The following TCTN3 variants were observed in gnomAD, a reference collection of about 807,000 sequenced individuals.
TCTN3 encodes tectonic family member 3.
Under a neutral mutation model 71.3 loss-of-function variants are expected in TCTN3, and 57 were observed. That is an observed-to-expected ratio of 0.80 (90% CI 0.65 to 1.00). The LOEUF (loss-of-function observed/expected upper bound fraction) is 1.00, where lower values mean the gene tolerates loss of function less well. TCTN3 is among the 50% of genes least tolerant of loss of function. TCTN3 has a pLI of 0.00. For missense variants in TCTN3, 696 were observed against 719.9 expected (o/e 0.97, Z 0.38); for synonymous variants, 258 against 267.8 (o/e 0.96, Z 0.36).
At chr10:95,667,630 G>A (rs1177867782) in intron 13 of TCTN3, among the ~76,000 whole-genome samples, 3 of 152,152 alleles carry the variant, frequency 2.0e-5, no homozygotes, top group Non-Finnish European at 4.4e-5. Context: ...CAGGGACATT[G>A]GGCATAAAGA....
chr10:95,693,632 G>A lies in TCTN3; in HGVS notation c.256+12C>T, dbSNP rs1343250626. On this transcript the variant is annotated intron_variant, in intron 1 of 13. Coordinates refer to ENST00000371217, the MANE Select transcript of TCTN3 (RefSeq NM_015631.6). The stretch of plus-strand genomic sequence containing the variant: ...AGAAGTAAGTTTCCACCCCCACAAC[G>A]TTTTCCCTCACCTGGGAAGAGGTCC... The A allele has an allele frequency of 1.3e-6, 2 of 1,548,650 alleles. No individual in the cohort carries two copies. The highest frequency in any genetic ancestry group is 1.2e-5 in the South Asian group (1 of 83,756).
Position 95,687,253 on chromosome 10 carries a change from G to T in TCTN3, c.730C>A (p.Pro244Thr), listed in dbSNP as rs1389518788. 4.3e-6 allele frequency: 7 copies of T among 1,613,810 alleles called. No homozygotes were observed. Among genetic ancestry groups the T allele is most frequent in the Middle Eastern group, 1.6e-4 (1 of 6,084 alleles). ...ACTTTTGCTCTGGATTCACCTGCAGGATTGCTTTCAGCACAGAGTCCCCCA... is the reference window on the plus strand; with the variant it reads ...ACTTTTGCTCTGGATTCACCTGCAGTATTGCTTTCAGCACAGAGTCCCCCA... The part of the protein sequence containing the change: ...GAGGLCAESN[P>T]AGFLESKSTT... The change falls in exon 5 of 14, where the codon CCT becomes ACT. Residue 244 changes from proline (P) to threonine (T), a missense_variant. By Grantham distance (38) the Pro-to-Thr change is conservative. Coordinates refer to ENST00000371217, the MANE Select transcript of TCTN3 (RefSeq NM_015631.6).
chr10:95,679,533 A>G (rs11188431), intron 13 of TCTN3, among the ~76,000 whole-genome samples: 11,072 of 150,008 alleles, frequency 0.074, 451 homozygotes, highest in African/African-American at 0.098. Context: ...AAGTTACTAA[A>G]TTGGCATGCC....
chr10:95,667,285 A>G lies in TCTN3; in HGVS notation c.1591-2985T>C, dbSNP rs528714126. On this transcript the variant is annotated intron_variant, in intron 13 of 13. Coordinates refer to ENST00000371217, the MANE Select transcript of TCTN3 (RefSeq NM_015631.6). ...GCATAAAGACATGTCTTCTCCCTCTATATCTTAAAACCACTCCAATCCAAC... is the reference window on the plus strand; with the variant it reads ...GCATAAAGACATGTCTTCTCCCTCTGTATCTTAAAACCACTCCAATCCAAC... 3.7e-4 allele frequency among the ~76,000 whole-genome samples: 57 copies of G among 152,318 alleles called. No homozygotes were observed. The South Asian group carries it at 0.011, about 30-fold the overall frequency.
rs536802100 is a variant in TCTN3 at position 95,680,462 on chromosome 10, C to T, written c.1590+10G>A. On this transcript the variant is annotated intron_variant, in intron 13 of 13. Transcript: ENST00000371217. ...CAAGGTTTAGTGATCCTTTATGAGC[C>T]ATGACTTACCTGTATAGACTGGCAC... 1.2e-6 allele frequency: 2 copies of T among 1,607,430 alleles called. No individual in the cohort carries two copies. Among genetic ancestry groups the T allele is most frequent in the Admixed American group, 3.4e-5 (2 of 58,418 alleles).
rs1465083302 is a variant in TCTN3 at position 95,684,613 on chromosome 10, C to A, written c.981G>T (p.Glu327Asp). The part of the protein sequence containing the change: ...CQNVVSQVTY[E>D]IETNGTFGIQ... Reference sequence around the variant, plus strand: ...TTCCAAAAGTCCCATTGGTCTCTATCTCATAGGTGACCTGAAATGCAAAAA... The same window carrying A: ...TTCCAAAAGTCCCATTGGTCTCTATATCATAGGTGACCTGAAATGCAAAAA... Residue 327 changes from glutamate to aspartate, a missense_variant, in exon 9 of 14, where the codon GAG becomes GAT. By Grantham distance (45) the Glu-to-Asp change is conservative. Coordinates refer to ENST00000371217, the MANE Select transcript of TCTN3 (RefSeq NM_015631.6). The A allele has an allele frequency of 6.2e-7, 1 of 1,613,524 alleles. No individual in the cohort carries two copies. The highest frequency in any genetic ancestry group is 8.5e-7 in the Non-Finnish European group (1 of 1,179,800).
intron 13 of TCTN3, among the ~76,000 whole-genome samples, chr10:95,675,235 C>G (rs541527070): frequency 6.6e-6 from 1 of 152,166 alleles, no homozygotes; most frequent in South Asian, 2.1e-4. Context: ...TGGGATTACA[C>G]GCGTGTGCCA....
chr10:95,670,386 C>G (rs1220884060), intron 13 of TCTN3, among the ~76,000 whole-genome samples: 3 of 152,056 alleles, frequency 2.0e-5, no homozygotes, highest in Non-Finnish European at 4.4e-5. Flanking sequence ...AAGACAGGGT[C>G]TCACTCTGAT....
chr10:95,675,601 C>T (rs1418842926), intron 13 of TCTN3, among the ~76,000 whole-genome samples: 2 of 152,126 alleles, frequency 1.3e-5, no homozygotes, highest in Non-Finnish European at 2.9e-5. Flanking sequence ...GTTGACTGAT[C>T]CTTGTGAAAG....
chr10:95,669,255 T>C (rs1385168238), intron 13 of TCTN3, among the ~76,000 whole-genome samples: 1 of 152,188 alleles, frequency 6.6e-6, no homozygotes, highest in Non-Finnish European at 1.5e-5. Flanking sequence ...TTAATAACAA[T>C]ATATTGTGTA....
At chr10:95,688,961 G>A (rs2139754322) in intron 3 of TCTN3, among the ~76,000 whole-genome samples, 1 of 152,266 alleles carries the variant, frequency 6.6e-6, no homozygotes, top group East Asian at 1.9e-4. Flanking sequence ...CTTCATATAA[G>A]TAATGGTCAT....
intron 3 of TCTN3, among the ~76,000 whole-genome samples, chr10:95,689,065 T>C (rs868356225): frequency 2.1e-4 from 32 of 152,158 alleles, no homozygotes; most frequent in African/African-American, 7.0e-4. Context: ...TCTGTGATAA[T>C]GGATAACATC....
chr10:95,692,568 A>G (rs1431909328), intron 3 of TCTN3, among the ~76,000 whole-genome samples: 1 of 133,726 alleles, frequency 7.5e-6, no homozygotes, highest in Non-Finnish European at 1.6e-5. Flanking sequence ...AGAGGCGTAG[A>G]GATTCAAAGG....
At chr10:95,670,161 A>T (rs2097929592) in intron 13 of TCTN3, among the ~76,000 whole-genome samples, 1 of 151,198 alleles carries the variant, frequency 6.6e-6, no homozygotes, top group South Asian at 2.1e-4. Context: ...GGTTGTGCTT[A>T]ATTAATTCAT....
intron 13 of TCTN3, among the ~76,000 whole-genome samples, chr10:95,679,848 C>T (rs1009219789): frequency 1.3e-4 from 20 of 152,084 alleles, no homozygotes; most frequent in African/African-American, 4.8e-4. Context: ...CCTCGGCCTC[C>T]CAAAGTGCTG....
chr10:95,690,317 A>C (rs2139757262), intron 3 of TCTN3, among the ~76,000 whole-genome samples: 1 of 152,332 alleles, frequency 6.6e-6, no homozygotes, highest in South Asian at 2.1e-4. Flanking sequence ...GGGGAAACAA[A>C]GATATGGTCC....
chr10:95,683,070 T>C (rs570285698), intron 11 of TCTN3, 31 bp downstream of exon 11: 4 of 1,582,508 alleles, frequency 2.5e-6, no homozygotes, highest in Admixed American at 3.4e-5. Flanking sequence ...TTCCCGAAAT[T>C]GCAGGAAATG....
chr10:95,687,248 T>TG lies in TCTN3; in HGVS notation c.734dup (p.Gly246ArgfsTer6), dbSNP rs2097949241. 6.2e-7 allele frequency: 1 copy of TG among 1,613,712 alleles called. No individual in the cohort carries two copies. Among genetic ancestry groups the TG allele is most frequent in the African/African-American group, 1.3e-5 (1 of 74,922 alleles). On this transcript the variant is annotated frameshift_variant and splice_region_variant, in exon 5 of 14. Transcript: ENST00000371217. LOFTEE classifies it high-confidence loss of function. ...TTGGTACTTTTGCTCTGGATTCACC[T>TG]GCAGGATTGCTTTCAGCACAGAGTC... is the stretch of plus-strand genomic sequence containing the variant.
At chr10:95,680,401 G>A in intron 13 of TCTN3, 71 bp downstream of exon 13, 1 of 1,498,848 alleles carries the variant, frequency 6.7e-7, no homozygotes, top group Non-Finnish European at 8.9e-7. Context: ...AAAATTATTT[G>A]GTTAACAAAT....
Sources: allele counts gnomAD v4.1 joint callset (sites outside exome capture counted in the v4.1 genomes callset), GRCh38; gene constraint gnomAD v4.1.1; transcripts MANE v1.5; gene names NCBI Gene and HGNC (gene_info 2026-07-23, HGNC 2026-07-21).